Variants in PDE4D observed in about 807,000 individuals in gnomAD.
PDE4D encodes the protein 3',5'-cyclic-AMP phosphodiesterase 4D.
PDE4D carries 24 observed loss-of-function variants against 87.4 expected under a neutral mutation model. That is an observed-to-expected ratio of 0.27 (90% CI 0.20 to 0.39). PDE4D has a LOEUF of 0.39. PDE4D is among the 10% of genes least tolerant of loss of function. The pLI, the probability that PDE4D is intolerant of heterozygous loss-of-function variation, is 1.00. For synonymous variants in PDE4D, 384 were observed against 383.2 expected, an observed-to-expected ratio of 1.00 and a Z score of -0.02; for missense variants, 714 against 1,041.0, an observed-to-expected ratio of 0.69 and a Z score of 4.32.
chr5:60,285,188 A>G (rs1752302936), intron 1 of PDE4D, among the ~76,000 whole-genome samples: 1 of 152,158 alleles, frequency 6.6e-6, no homozygotes, highest in Non-Finnish European at 1.5e-5. Context: ...CAGTCTACAT[A>G]ATAATTATAT....
chr5:59,933,387 G>C (rs1756190773), intron 3 of PDE4D, among the ~76,000 whole-genome samples: 1 of 152,136 alleles, frequency 6.6e-6, no homozygotes, highest in Non-Finnish European at 1.5e-5. Context: ...AGAAATCATA[G>C]CATCAAACAG....
At chr5:59,180,190 C>G (rs1741158873) in intron 5 of PDE4D, among the ~76,000 whole-genome samples, 1 of 152,154 alleles carries the variant, frequency 6.6e-6, no homozygotes, top group Admixed American at 6.5e-5. Context: ...TATTGATGAA[C>G]CAACACGTTA....
intron 5 of PDE4D, among the ~76,000 whole-genome samples, chr5:59,117,807 C>CA (rs1773853178): frequency 1.4e-5 from 2 of 142,018 alleles, no homozygotes; most frequent in South Asian, 2.3e-4. Flanking sequence ...AGGTTTTTAA[C>CA]TTTTTTTTTT....
chr5:60,075,089 T>G (rs1316821173), intron 2 of PDE4D, among the ~76,000 whole-genome samples: 1 of 152,218 alleles, frequency 6.6e-6, no homozygotes, highest in Non-Finnish European at 1.5e-5. Context: ...GTGTGGTTGC[T>G]TTATAGAGTC....
intron 1 of PDE4D, among the ~76,000 whole-genome samples, chr5:60,307,020 A>T (rs1754559071): frequency 6.6e-6 from 1 of 152,170 alleles, no homozygotes; most frequent in African/African-American, 2.4e-5. Flanking sequence ...GTAATGTAAT[A>T]GCTAATAGCT....
At chr5:60,078,307 AT>A (rs1433106801) in intron 2 of PDE4D, among the ~76,000 whole-genome samples, 4 of 152,084 alleles carry the variant, frequency 2.6e-5, no homozygotes, top group African/African-American at 9.7e-5. Flanking sequence ...TAATATAGGT[AT>A]TTATCACTAT....
chr5:59,938,132 T>C (rs1437286521), intron 3 of PDE4D, among the ~76,000 whole-genome samples: 2 of 152,226 alleles, frequency 1.3e-5, no homozygotes, highest in African/African-American at 4.8e-5. Context: ...TTGTATTGAC[T>C]ACGTGCTATT....
At chr5:59,393,300 C>G (rs1360203641) in intron 1 of PDE4D, among the ~76,000 whole-genome samples, 1 of 152,148 alleles carries the variant, frequency 6.6e-6, no homozygotes, top group Non-Finnish European at 1.5e-5. Context: ...TGCTTATATA[C>G]TGCCTACGTA....
At chr5:59,668,129 T>C (rs902855545) in intron 1 of PDE4D, among the ~76,000 whole-genome samples, 7 of 152,226 alleles carry the variant, frequency 4.6e-5, no homozygotes, top group Non-Finnish European at 7.3e-5. Flanking sequence ...AGGAAATATG[T>C]CAATTCTGTG....
intron 2 of PDE4D, among the ~76,000 whole-genome samples, chr5:60,142,858 G>A (rs1456741943): frequency 6.6e-6 from 1 of 152,158 alleles, no homozygotes; most frequent in Non-Finnish European, 1.5e-5. Flanking sequence ...CAAGGCAGGA[G>A]GTAACAGGGA....
intron 1 of PDE4D, among the ~76,000 whole-genome samples, chr5:60,302,213 C>CT (rs984434305): frequency 6.6e-6 from 1 of 151,644 alleles, no homozygotes; most frequent in Admixed American, 6.6e-5. Context: ...GGAGTCCCTC[C>CT]TTTTTTTTGG....
At chr5:60,427,116 A>G (rs1005331610) in intron 1 of PDE4D, among the ~76,000 whole-genome samples, 1 of 152,210 alleles carries the variant, frequency 6.6e-6, no homozygotes, top group African/African-American at 2.4e-5. Context: ...TCCTAGAAAG[A>G]AAAGCGAGTG....
At chr5:59,875,791 A>T (rs1361830790) in intron 1 of PDE4D, among the ~76,000 whole-genome samples, 1 of 152,212 alleles carries the variant, frequency 6.6e-6, no homozygotes, top group Non-Finnish European at 1.5e-5. Context: ...AAAAAAGAAC[A>T]AGATCATGTC....
Position 59,638,415 on chromosome 5 carries a change from T to G in PDE4D, c.455+254753A>C, listed in dbSNP as rs147416828. ...AAAAAGGGGAAAAAGAAAAGGTGAC[T>G]TGCTGCCTGAGCAGTTCTATGCCTA... is the stretch of plus-strand genomic sequence containing the variant. On this transcript the variant is annotated intron_variant, in intron 1 of 14. Transcript: ENST00000340635. Among the ~76,000 whole-genome samples the G allele has an allele frequency of 9.2e-5, 14 of 152,198 alleles. No individual in the cohort carries two copies. In the East Asian group the frequency reaches 2.7e-3, roughly 29 times the overall value.
chr5:60,337,412 T>G (rs1757909778), intron 1 of PDE4D, among the ~76,000 whole-genome samples: 2 of 114,434 alleles, frequency 1.7e-5, no homozygotes, highest in East Asian at 2.9e-4. Flanking sequence ...CACACATATA[T>G]CAATTCATAG....
chr5:59,869,987 CTAATAAAATTTGT>C (rs1747585999), intron 1 of PDE4D, among the ~76,000 whole-genome samples: 1 of 152,144 alleles, frequency 6.6e-6, no homozygotes, highest in South Asian at 2.1e-4. Context: ...GCCTTGGCTT[CTAATAAAATTTGT>C]TATAAGAAAG....
At chr5:59,909,507 C>T (rs1475034276) in intron 3 of PDE4D, among the ~76,000 whole-genome samples, 1 of 152,050 alleles carries the variant, frequency 6.6e-6, no homozygotes, top group Non-Finnish European at 1.5e-5. Flanking sequence ...TCGATCCTCC[C>T]ACTTCAGCAT....
intron 1 of PDE4D, among the ~76,000 whole-genome samples, chr5:59,383,564 T>C (rs1249475329): frequency 6.6e-6 from 1 of 152,130 alleles, no homozygotes; most frequent in East Asian, 1.9e-4. Context: ...TTACTGAGTC[T>C]CTCTGTCCCT....
intron 1 of PDE4D, among the ~76,000 whole-genome samples, chr5:60,432,077 G>A (rs147973572): frequency 0.018 from 2,693 of 149,400 alleles, 93 homozygotes; most frequent in African/African-American, 0.063. Context: ...AGAGGGAGAC[G>A]GAGACCGTGG....
Sources: gnomAD v4.1 joint callset for allele counts (sites outside exome capture counted in the v4.1 genomes callset) on GRCh38, gnomAD v4.1.1 for gene constraint, MANE v1.5 for transcripts, NCBI Gene and HGNC (gene_info 2026-07-23, HGNC 2026-07-21) for gene names.